The following PHF24 variants were observed in gnomAD, a reference collection of about 807,000 sequenced individuals.
The protein encoded by PHF24 is Galpha inhibitory interacting protein.
In PHF24, 25 loss-of-function variants were observed where a neutral mutation model predicts 42.6. The observed-to-expected ratio is 0.59, with a 90% CI of 0.43 to 0.82. The LOEUF is 0.82. PHF24 is among the 40% of genes least tolerant of loss of function. PHF24 has a pLI of 0.00. For synonymous variants in PHF24, 185 were observed against 204.8 expected (o/e 0.90, Z 0.83); for missense variants, 470 against 538.1 (o/e 0.87, Z 1.25).
chr9:34,793,147 A>C, the PHF24 span, among the ~76,000 whole-genome samples: 1 of 152,060 alleles, frequency 6.6e-6, no homozygotes, highest in Non-Finnish European at 1.5e-5. Flanking sequence ...ATACTACCAT[A>C]TTGTCTCTAT....
the PHF24 span, chr9:34,835,657 C>T: frequency 9.7e-6 from 15 of 1,551,110 alleles, no homozygotes; most frequent in East Asian, 2.4e-5. Context: ...GTTTGGGCCC[C>T]GGAGCACAGC....
the PHF24 span, among the ~76,000 whole-genome samples, chr9:34,746,775 C>A: frequency 1.3e-5 from 2 of 152,124 alleles, no homozygotes; most frequent in Non-Finnish European, 2.9e-5. Context: ...AAATAATAAA[C>A]CTTTTTATAC....
the PHF24 span, among the ~76,000 whole-genome samples, chr9:34,799,558 C>A: frequency 2.6e-5 from 4 of 152,228 alleles, no homozygotes; most frequent in South Asian, 2.1e-4. Flanking sequence ...ACTTTGATAC[C>A]TTTGTGGTCC....
the PHF24 span, among the ~76,000 whole-genome samples, chr9:34,807,254 G>T: frequency 6.6e-6 from 1 of 152,124 alleles, no homozygotes; most frequent in Non-Finnish European, 1.5e-5. Flanking sequence ...ATTATAAAGG[G>T]GGTATTCCCT....
chr9:34,727,977 T>C, the PHF24 span: 5 of 1,533,898 alleles, frequency 3.3e-6, no homozygotes, highest in Non-Finnish European at 3.5e-6. Context: ...GAAATCATCA[T>C]AGGCCAGGCT....
chr9:34,889,506 G>A, the PHF24 span: 1 of 398,452 alleles, frequency 2.5e-6, no homozygotes, highest in African/African-American at 2.1e-5. Context: ...AATGTTTTTT[G>A]TCCTGTCTTG....
chr9:34,971,233 C>A, intron 1 of PHF24, 62 bp from the exon 2 acceptor site: 1 of 1,526,014 alleles, frequency 6.6e-7, no homozygotes, highest in African/African-American at 1.4e-5. Flanking sequence ...TAGGTTGAAA[C>A]TGATTAGCCT....
chr9:34,748,765 A>G, the PHF24 span, among the ~76,000 whole-genome samples: 1 of 152,196 alleles, frequency 6.6e-6, no homozygotes, highest in East Asian at 1.9e-4. Flanking sequence ...GAAGACTACA[A>G]TAAATACCTA....
chr9:34,936,041 C>T, the PHF24 span, among the ~76,000 whole-genome samples: 2 of 151,374 alleles, frequency 1.3e-5, no homozygotes, highest in South Asian at 4.2e-4. Flanking sequence ...CTCCCGCTCC[C>T]GCTCCCACCC....
chr9:34,869,583 C>T, the PHF24 span, among the ~76,000 whole-genome samples: 1 of 152,076 alleles, frequency 6.6e-6, no homozygotes, highest in East Asian at 1.9e-4. Flanking sequence ...GCTCCCCCTG[C>T]CTCCCACTTT....
intron 1 of PHF24, among the ~76,000 whole-genome samples, chr9:34,966,777 C>G (rs1826787119): frequency 6.6e-6 from 1 of 152,120 alleles, no homozygotes; most frequent in Non-Finnish European, 1.5e-5. Context: ...TCATGGCACA[C>G]TACAGACCCA....
intron 3 of PHF24, among the ~76,000 whole-genome samples, chr9:34,975,348 A>G (rs563804489): frequency 8.5e-5 from 13 of 152,330 alleles, no homozygotes; most frequent in African/African-American, 3.1e-4. Context: ...TTGAAAGAAA[A>G]ATACAACTAT....
chr9:34,895,102 T>C, the PHF24 span: 1 of 398,434 alleles, frequency 2.5e-6, no homozygotes, highest in African/African-American at 2.1e-5. Flanking sequence ...ACAAAAACAT[T>C]AGAATGCAAA....
the PHF24 span, among the ~76,000 whole-genome samples, chr9:34,842,050 G>A: frequency 1.4e-4 from 22 of 151,914 alleles, no homozygotes; most frequent in African/African-American, 5.3e-4. Context: ...AGTTTAGTTT[G>A]CATTTTTCTA....
chr9:34,759,085 C>T, the PHF24 span, among the ~76,000 whole-genome samples: 1 of 152,158 alleles, frequency 6.6e-6, no homozygotes, highest in African/African-American at 2.4e-5. Context: ...GTAGTGGACA[C>T]AAATGCCAGG....
chr9:34,850,742 G>T, the PHF24 span, among the ~76,000 whole-genome samples: 1 of 152,094 alleles, frequency 6.6e-6, no homozygotes, highest in African/African-American at 2.4e-5. Context: ...ATCTACTTTT[G>T]GTCTTTGATG....
the PHF24 span, among the ~76,000 whole-genome samples, chr9:34,841,748 C>T: frequency 6.6e-6 from 1 of 152,180 alleles, no homozygotes; most frequent in Admixed American, 6.5e-5. Context: ...ATCCCAGCTA[C>T]TCCAGAGGCT....
At chr9:34,700,368 G>A in the PHF24 span, among the ~76,000 whole-genome samples, 1 of 152,196 alleles carries the variant, frequency 6.6e-6, no homozygotes, top group African/African-American at 2.4e-5. Flanking sequence ...GGAGATGATG[G>A]TGCATGGAGT....
At chr9:34,940,192 T>C in the PHF24 span, among the ~76,000 whole-genome samples, 1,958 of 152,068 alleles carry the variant, frequency 0.013, 24 homozygotes, top group South Asian at 0.049. Context: ...TGCACTAAGA[T>C]AGGGGAGCTA....
Sources: gnomAD v4.1 joint callset for allele counts (sites outside exome capture counted in the v4.1 genomes callset) on GRCh38, gnomAD v4.1.1 for gene constraint, MANE v1.5 for transcripts, NCBI Gene and HGNC (gene_info 2026-07-23, HGNC 2026-07-21) for gene names.